EGFLAM: variants seen among roughly 807,000 people sequenced by gnomAD.
EGFLAM encodes the protein EGF like, fibronectin type III and laminin G domains, also known as pikachurin.
In EGFLAM, 79 loss-of-function variants were observed where a neutral mutation model predicts 113.1. That is an observed-to-expected ratio of 0.70 (90% CI 0.58 to 0.84). The LOEUF (loss-of-function observed/expected upper bound fraction) is 0.84. Ranked by LOEUF, EGFLAM falls within the 40% of genes least tolerant of loss-of-function variation. The pLI, the probability that EGFLAM is intolerant of heterozygous loss-of-function variation, is 0.00. For synonymous variants in EGFLAM, 504 were observed against 487.6 expected (o/e 1.03, Z -0.44); for missense variants, 1,265 against 1,291.6 (o/e 0.98, Z 0.32).
intron 1 of EGFLAM, among the ~76,000 whole-genome samples, chr5:38,286,658 A>G (rs549321921): frequency 1.1e-4 from 17 of 152,336 alleles, no homozygotes; most frequent in Admixed American, 7.2e-4. Context: ...TAGCCATGTC[A>G]CTTTGAAACT....
chr5:38,441,030 G>A (rs1016250176), intron 17 of EGFLAM, among the ~76,000 whole-genome samples: 2 of 152,172 alleles, frequency 1.3e-5, no homozygotes, highest in African/African-American at 4.8e-5. Flanking sequence ...CAGGCACTTG[G>A]ACTACATGGT....
chr5:38,328,561 A>G (rs1353317262), intron 1 of EGFLAM, among the ~76,000 whole-genome samples: 1 of 152,074 alleles, frequency 6.6e-6, no homozygotes, highest in Non-Finnish European at 1.5e-5. Flanking sequence ...GTCACAAGCA[A>G]TTTTTCGAGA....
chr5:38,287,109 T>C (rs1012622281), intron 1 of EGFLAM, among the ~76,000 whole-genome samples: 1 of 152,228 alleles, frequency 6.6e-6, no homozygotes, highest in African/African-American at 2.4e-5. Flanking sequence ...AAGATCACTG[T>C]TGCTAACAAT....
chr5:38,384,454 T>A (rs1380226851), intron 6 of EGFLAM, among the ~76,000 whole-genome samples: 1 of 152,144 alleles, frequency 6.6e-6, no homozygotes, highest in East Asian at 1.9e-4. Flanking sequence ...GCAGTGTGAG[T>A]GTTGCTCCCA....
chr5:38,343,815 A>G (rs1739406199), intron 3 of EGFLAM, among the ~76,000 whole-genome samples: 1 of 152,238 alleles, frequency 6.6e-6, no homozygotes, highest in Admixed American at 6.5e-5. Context: ...TGTGAGGTTG[A>G]ATCCAAGTTT....
Position 38,329,652 on chromosome 5 carries a change from G to C in EGFLAM, c.98-7868G>C, listed in dbSNP as rs561038997. On this transcript the variant is annotated intron_variant, in intron 1 of 21. Coordinates refer to ENST00000322350, the MANE Select transcript of EGFLAM (RefSeq NM_152403.4). ...GAGTCCCAGTAGTTGTATATTCGTG[G>C]TTCGTCCCCCAGTTCTTTGGGGAAG... 4.6e-5 allele frequency among the ~76,000 whole-genome samples: 7 copies of C among 152,202 alleles called. No individual in the cohort carries two copies. The East Asian group carries it at 1.4e-3, about 29-fold the overall frequency.
intron 3 of EGFLAM, among the ~76,000 whole-genome samples, chr5:38,344,904 C>A (rs1174750913): frequency 6.6e-6 from 1 of 152,178 alleles, no homozygotes; most frequent in African/African-American, 2.4e-5. Context: ...AGCCATAGGA[C>A]CACACTTGGA....
intron 20 of EGFLAM, 23 bp downstream of exon 20, chr5:38,458,417 G>T: frequency 6.2e-7 from 1 of 1,611,572 alleles, no homozygotes; most frequent in Non-Finnish European, 8.5e-7. Context: ...CGCAGCATGA[G>T]GCAGAGCCAG....
intron 6 of EGFLAM, among the ~76,000 whole-genome samples, chr5:38,379,476 T>A (rs1740451981): frequency 6.8e-6 from 1 of 147,342 alleles, no homozygotes; most frequent in African/African-American, 2.5e-5. Context: ...TAACCCCCAG[T>A]CTCCCCTCCT....
intron 17 of EGFLAM, among the ~76,000 whole-genome samples, chr5:38,440,739 C>T (rs1742506445): frequency 6.6e-6 from 1 of 152,088 alleles, no homozygotes. Context: ...GAGCCTGTTC[C>T]CAGTATTCCT....
intron 1 of EGFLAM, among the ~76,000 whole-genome samples, chr5:38,323,082 A>T (rs1212541935): frequency 1.3e-5 from 2 of 152,196 alleles, no homozygotes; most frequent in African/African-American, 2.4e-5. Flanking sequence ...GAATTTTCTG[A>T]CTATTTTTAG....
intron 11 of EGFLAM, among the ~76,000 whole-genome samples, chr5:38,416,539 T>C (rs1741647945): frequency 6.6e-6 from 1 of 152,162 alleles, no homozygotes; most frequent in South Asian, 2.1e-4. Context: ...GCAACCCTCA[T>C]CTGAAATGTA....
intron 1 of EGFLAM, among the ~76,000 whole-genome samples, chr5:38,327,654 G>A (rs1431218008): frequency 6.6e-6 from 1 of 152,040 alleles, no homozygotes; most frequent in Admixed American, 6.6e-5. Context: ...TTATAGAAGG[G>A]TTGGGTAGTC....
intron 5 of EGFLAM, among the ~76,000 whole-genome samples, chr5:38,361,621 TA>T (rs145714887): frequency 0.1 from 14,850 of 146,754 alleles, 734 homozygotes; most frequent in Middle Eastern, 0.17. Context: ...CTGATGAACT[TA>T]AAAAAAAAAA....
At chr5:38,395,805 A>G (rs1180969010) in intron 6 of EGFLAM, among the ~76,000 whole-genome samples, 1 of 152,154 alleles carries the variant, frequency 6.6e-6, no homozygotes, top group African/African-American at 2.4e-5. Flanking sequence ...GCAAGATGTG[A>G]ATTGAGCCCC....
chr5:38,402,325 C>T (rs1579874919), intron 6 of EGFLAM, among the ~76,000 whole-genome samples: 1 of 152,180 alleles, frequency 6.6e-6, no homozygotes, highest in African/African-American at 2.4e-5. Context: ...CCCTGCCATT[C>T]CCCATCTGTC....
intron 6 of EGFLAM, among the ~76,000 whole-genome samples, chr5:38,382,359 G>A (rs1385443919): frequency 2.2e-4 from 33 of 152,060 alleles, no homozygotes; most frequent in Non-Finnish European, 4.9e-4. Flanking sequence ...CATTATAAAG[G>A]TGTGCCACAT....
At chr5:38,273,401 T>C (rs1418681552) in intron 1 of EGFLAM, among the ~76,000 whole-genome samples, 1 of 152,226 alleles carries the variant, frequency 6.6e-6, no homozygotes, top group Non-Finnish European at 1.5e-5. Context: ...GCTGGCCAAC[T>C]ACAGAGGCTT....
At chr5:38,346,739 C>A in intron 3 of EGFLAM, among the ~76,000 whole-genome samples, 1 of 152,164 alleles carries the variant, frequency 6.6e-6, no homozygotes, top group Non-Finnish European at 1.5e-5. Context: ...GTTTCTGCTT[C>A]CTTGAGGAAA....
Sources: gnomAD v4.1 joint callset for allele counts (sites outside exome capture counted in the v4.1 genomes callset) on GRCh38, gnomAD v4.1.1 for gene constraint, MANE v1.5 for transcripts, NCBI Gene and HGNC (gene_info 2026-07-23, HGNC 2026-07-21) for gene names.